Variants in RSU1 observed in about 807,000 individuals in gnomAD.
RSU1 encodes the protein Ras suppressor protein 1.
RSU1 carries 26 observed loss-of-function variants against 31.1 expected under a neutral mutation model. The observed-to-expected ratio is 0.84, with a 90% CI of 0.61 to 1.16. The LOEUF (loss-of-function observed/expected upper bound fraction) is 1.16, where lower values mean the gene tolerates loss of function less well. Ranked by LOEUF, RSU1 falls within the 50% of genes most tolerant of loss-of-function variation. The pLI, the probability that RSU1 is intolerant of heterozygous loss-of-function variation, is 0.00. For missense variants in RSU1, 320 were observed against 339.1 expected, an observed-to-expected ratio of 0.94 and a Z score of 0.44; for synonymous variants, 164 against 136.3, an observed-to-expected ratio of 1.20 and a Z score of -1.41.
chr10:16,726,182 T>C (rs1234654003), intron 7 of RSU1, among the ~76,000 whole-genome samples: 4 of 152,090 alleles, frequency 2.6e-5, no homozygotes, highest in Non-Finnish European at 4.4e-5. Context: ...GATTCAAATT[T>C]ACATTTAAAA....
At chr10:16,723,354 A>T (rs1030665887) in intron 7 of RSU1, 17 of 152,178 alleles carry the variant, frequency 1.1e-4, no homozygotes, top group African/African-American at 3.4e-4. Flanking sequence ...ATTTTTAAAG[A>T]GATACTGTTC....
intron 7 of RSU1, among the ~76,000 whole-genome samples, chr10:16,696,028 GA>G: frequency 6.6e-6 from 1 of 152,226 alleles, no homozygotes; most frequent in Middle Eastern, 3.4e-3. Context: ...TTCAAAAATG[GA>G]AAAGGCAAAG....
At chr10:16,759,886 A>C (rs1837173231) in intron 4 of RSU1, among the ~76,000 whole-genome samples, 1 of 120,316 alleles carries the variant, frequency 8.3e-6, no homozygotes, top group African/African-American at 3.4e-5. Context: ...GATGGATCAC[A>C]CATACAAGTG....
intron 7 of RSU1, among the ~76,000 whole-genome samples, chr10:16,746,128 T>C (rs771834245): frequency 1.7e-4 from 26 of 152,374 alleles, no homozygotes; most frequent in Middle Eastern, 3.4e-3. Context: ...AAATTCTCAA[T>C]TCATAACATC....
chr10:16,780,913 C>G (rs960364071), intron 3 of RSU1, among the ~76,000 whole-genome samples: 37 of 152,212 alleles, frequency 2.4e-4, no homozygotes, highest in African/African-American at 8.4e-4. Context: ...TCTGCCTTTG[C>G]CTTACAAATA....
chr10:16,658,450 A>T (rs943880400), intron 8 of RSU1, among the ~76,000 whole-genome samples: 9 of 152,182 alleles, frequency 5.9e-5, no homozygotes, highest in African/African-American at 2.2e-4. Context: ...GTGGACGGGC[A>T]CAGGGGCTCA....
intron 7 of RSU1, chr10:16,722,940 A>G (rs866232013): frequency 3.7e-3 from 548 of 148,104 alleles, no homozygotes; most frequent in African/African-American, 0.014. Context: ...ACACATATAC[A>G]TATATGTATA....
Position 16,695,173 on chromosome 10 carries a change from A to AAG in RSU1, c.599-19_599-18insCT, listed in dbSNP as rs1164753796. On this transcript the variant is annotated intron_variant, in intron 7 of 8. Transcript: ENST00000345264. ...CAAGTTTCCTGGGGGGGGGGAAAAA[A>AAG]AAAGTGAAGGTCACTTCATCCAATA... The AAG allele has an allele frequency of 6.3e-7, 1 of 1,585,732 alleles. No homozygotes were observed. The highest frequency in any genetic ancestry group is 1.7e-5 in the Admixed American group (1 of 58,480).
At chr10:16,730,542 G>A (rs1836487213) in intron 7 of RSU1, among the ~76,000 whole-genome samples, 1 of 152,140 alleles carries the variant, frequency 6.6e-6, no homozygotes, top group Non-Finnish European at 1.5e-5. Flanking sequence ...CCCACATTCA[G>A]GAGAGAGCCC....
At position 16,645,974 on chromosome 10, in the gene RSU1, ATGTG is replaced by A. The variant is rs1235420060; in HGVS notation, c.731+49045_731+49048del. ...TGTATATACATATATGTGTATATAT[ATGTG>A]TATATACATATATGTGTATATATAT... On this transcript the variant is annotated intron_variant, in intron 8 of 8. Transcript: ENST00000345264. 1.1e-4 allele frequency among the ~76,000 whole-genome samples: 5 copies of A among 46,240 alleles called. 1 individual carries two copies. In the South Asian group the frequency reaches 4.0e-3, roughly 37 times the overall value. 30.3% of individuals were successfully genotyped at this position (46,240 alleles called of 152,430 possible).
intron 8 of RSU1, among the ~76,000 whole-genome samples, chr10:16,630,592 T>C (rs1206801666): frequency 1.3e-5 from 2 of 152,212 alleles, no homozygotes; most frequent in East Asian, 3.9e-4. Flanking sequence ...AAGCTGGCAT[T>C]AGCACAGCCG....
chr10:16,626,757 G>A (rs764508266), intron 8 of RSU1, among the ~76,000 whole-genome samples: 43 of 152,308 alleles, frequency 2.8e-4, no homozygotes, highest in Non-Finnish European at 5.7e-4. Flanking sequence ...TAGACTTTTG[G>A]AAATCTATAG....
chr10:16,618,865 A>G (rs1022951894), intron 8 of RSU1, among the ~76,000 whole-genome samples: 1 of 152,186 alleles, frequency 6.6e-6, no homozygotes. Context: ...ATTAGTACAA[A>G]TACCTAATGC....
chr10:16,605,308 G>A (rs1355179079), intron 8 of RSU1, among the ~76,000 whole-genome samples: 2 of 152,092 alleles, frequency 1.3e-5, no homozygotes, highest in Non-Finnish European at 2.9e-5. Flanking sequence ...TTTATTTGAT[G>A]TCTGTTTCCT....
At chr10:16,612,024 A>T (rs556792579) in intron 8 of RSU1, among the ~76,000 whole-genome samples, 2 of 152,326 alleles carry the variant, frequency 1.3e-5, no homozygotes, top group East Asian at 1.9e-4. Context: ...AATAGCACAT[A>T]ACTCAATAGG....
At chr10:16,647,341 G>C (rs981905399) in intron 8 of RSU1, among the ~76,000 whole-genome samples, 12 of 152,132 alleles carry the variant, frequency 7.9e-5, no homozygotes, top group Admixed American at 2.0e-4. Flanking sequence ...AAAGAGTCTG[G>C]CTGCTCCTCA....
intron 8 of RSU1, among the ~76,000 whole-genome samples, chr10:16,604,258 C>T (rs1833761720): frequency 6.6e-6 from 1 of 152,142 alleles, no homozygotes; most frequent in South Asian, 2.1e-4. Flanking sequence ...TGAAAAGTCA[C>T]CCAAAATAAC....
At chr10:16,696,958 A>G (rs1196672254) in intron 7 of RSU1, among the ~76,000 whole-genome samples, 1 of 152,130 alleles carries the variant, frequency 6.6e-6, no homozygotes, top group Non-Finnish European at 1.5e-5. Context: ...GCTGCACTCA[A>G]TTTATCTTGT....
intron 4 of RSU1, among the ~76,000 whole-genome samples, chr10:16,759,673 T>A (rs1264797654): frequency 6.6e-6 from 1 of 152,176 alleles, no homozygotes; most frequent in Non-Finnish European, 1.5e-5. Flanking sequence ...GAAATAATCA[T>A]CAACATGGAT....
Sources: gnomAD v4.1 joint callset for allele counts (sites outside exome capture counted in the v4.1 genomes callset) on GRCh38, gnomAD v4.1.1 for gene constraint, MANE v1.5 for transcripts, NCBI Gene and HGNC (gene_info 2026-07-23, HGNC 2026-07-21) for gene names.